Variants in VPS13D observed in about 807,000 individuals in gnomAD.
VPS13D encodes the protein intermembrane lipid transfer protein VPS13D.
Under a neutral mutation model 461.9 loss-of-function variants are expected in VPS13D, and 187 were observed. The ratio of observed to expected loss-of-function variants is 0.40; its 90% CI spans 0.36 to 0.46. VPS13D has a LOEUF of 0.46. Among genes scored for constraint, VPS13D ranks in the 20% least tolerant of loss-of-function variants. VPS13D has a pLI of 0.60. For synonymous variants in VPS13D, 1,951 were observed against 1,986.3 expected (o/e 0.98, Z 0.47); for missense variants, 4,711 against 5,364.9 (o/e 0.88, Z 3.81).
intron 65 of VPS13D, among the ~76,000 whole-genome samples, chr1:12,437,069 G>A (rs942369985): frequency 2.0e-5 from 3 of 152,122 alleles, no homozygotes; most frequent in Non-Finnish European, 2.9e-5. Flanking sequence ...TGTGTGTGGC[G>A]GCGGGAGGGG....
At chr1:12,451,604 G>A (rs1032532149) in intron 65 of VPS13D, among the ~76,000 whole-genome samples, 1 of 152,250 alleles carries the variant, frequency 6.6e-6, no homozygotes, top group Non-Finnish European at 1.5e-5. Context: ...TCCTTCTGGT[G>A]TTAAGGTATT....
chr1:12,260,596 C>T, intron 10 of VPS13D, 97 bp from the exon 11 acceptor site: 1 of 987,830 alleles, frequency 1.0e-6, no homozygotes, highest in African/African-American at 1.6e-5. Flanking sequence ...AGAGAGGTTT[C>T]TGTGCTTTAC....
chr1:12,332,078 T>C (rs2101556200), intron 37 of VPS13D, among the ~76,000 whole-genome samples: 1 of 152,364 alleles, frequency 6.6e-6, no homozygotes, highest in African/African-American at 2.4e-5. Flanking sequence ...TATTGGAACA[T>C]ATAAGCCATA....
chr1:12,345,279 A>G (rs560320637), intron 42 of VPS13D, 95 bp from the exon 43 acceptor site: 3 of 1,422,424 alleles, frequency 2.1e-6, no homozygotes, highest in African/African-American at 1.4e-5. Flanking sequence ...GGGTTTTTAC[A>G]TCATATGTAC....
At chr1:12,271,221 C>T in intron 17 of VPS13D, 97 bp downstream of exon 17, 1 of 1,453,734 alleles carries the variant, frequency 6.9e-7, no homozygotes, top group Non-Finnish European at 9.5e-7. Context: ...TTACTTATAT[C>T]AATTATGCTG....
Position 12,277,683 on chromosome 1 carries a change from A to G in VPS13D, c.4095A>G (p.Leu1365=), listed in dbSNP as rs1641656153. The G allele has an allele frequency of 1.9e-6, 3 of 1,614,112 alleles. No homozygotes were observed. Among genetic ancestry groups the G allele is most frequent in the African/African-American group, 2.7e-5 (2 of 74,944 alleles). ...AAAATGAAATATATGGGTTTGACCT[A>G]GCTTCGTCTCATTTGGACACTGTAA... The part of the protein sequence containing the change: ...LEENEIYGFD[L]ASSHLDTVKL... Residue 1365 remains leucine (L), a synonymous_variant, in exon 19 of 70, where the codon CTA becomes CTG. Transcript: ENST00000620676.
At chr1:12,323,379 C>T (rs964611441) in intron 34 of VPS13D, among the ~76,000 whole-genome samples, 1 of 152,022 alleles carries the variant, frequency 6.6e-6, no homozygotes, top group Non-Finnish European at 1.5e-5. Flanking sequence ...GTGCCCACCT[C>T]TAATTTTAAG....
intron 61 of VPS13D, 117 bp from the exon 62 acceptor site, chr1:12,401,491 T>C (rs1478287963): frequency 3.1e-6 from 2 of 649,922 alleles, no homozygotes; most frequent in African/African-American, 3.6e-5. Flanking sequence ...TTTGGCATTA[T>C]AGTTATAAAG....
At chr1:12,327,898 G>C in intron 36 of VPS13D, 44 bp downstream of exon 36, 1 of 1,570,904 alleles carries the variant, frequency 6.4e-7, no homozygotes, top group Non-Finnish European at 8.7e-7. Flanking sequence ...AATATTTCCA[G>C]TCATTGCTGA....
At chr1:12,256,653 G>A (rs1008619658) in intron 8 of VPS13D, 150 bp downstream of exon 8, 15 of 808,016 alleles carry the variant, frequency 1.9e-5, no homozygotes, top group South Asian at 6.3e-5. Flanking sequence ...AAAACTCACC[G>A]TCTGTTACAT....
At chr1:12,475,533 G>T (rs371559497) in intron 67 of VPS13D, among the ~76,000 whole-genome samples, 1 of 152,250 alleles carries the variant, frequency 6.6e-6, no homozygotes, top group East Asian at 1.9e-4. Context: ...TTAATCTGCA[G>T]CTGTAGTGTA....
chr1:12,391,144 T>C (rs969924972), intron 60 of VPS13D, among the ~76,000 whole-genome samples: 1 of 152,270 alleles, frequency 6.6e-6, no homozygotes. Flanking sequence ...ATCACACATC[T>C]GGCCATTTCT....
rs144041215 is a variant in VPS13D at position 12,247,811 on chromosome 1, C to T, written c.448-1412C>T. ...CTCCGCCTCCCGGATTCAAGCGATT[C>T]TCCTGGCTCAGCCTCACGAGTAGCT... On this transcript the variant is annotated intron_variant, in intron 5 of 69. Coordinates refer to ENST00000620676, the MANE Select transcript of VPS13D (RefSeq NM_015378.4). 7.7e-3 allele frequency among the ~76,000 whole-genome samples: 1,155 copies of T among 150,924 alleles called. 60 individuals carry two copies. The East Asian group carries it at 0.13, about 17-fold the overall frequency.
chr1:12,236,571 T>C (rs1437132136), intron 2 of VPS13D, among the ~76,000 whole-genome samples: 1 of 151,938 alleles, frequency 6.6e-6, no homozygotes, highest in African/African-American at 2.4e-5. Context: ...TTGGTAGAGA[T>C]GGGGTTTTGC....
At chr1:12,409,428 TGTCATTAAGTTGCACATG>T (rs1413404475) in intron 63 of VPS13D, among the ~76,000 whole-genome samples, 3 of 152,176 alleles carry the variant, frequency 2.0e-5, no homozygotes, top group Non-Finnish European at 4.4e-5. Context: ...AGAATAGAAA[TGTCATTAAGTTGCACATG>T]AAATTTTAAT....
chr1:12,391,949 C>T (rs533518800), intron 60 of VPS13D, among the ~76,000 whole-genome samples: 198 of 152,184 alleles, frequency 1.3e-3, no homozygotes, highest in African/African-American at 4.6e-3. Flanking sequence ...CAACCTCCTC[C>T]TCCTGGGCTC....
chr1:12,377,648 T>C (rs1477470509), intron 55 of VPS13D, among the ~76,000 whole-genome samples: 3 of 151,408 alleles, frequency 2.0e-5, no homozygotes, highest in Admixed American at 6.6e-5. Context: ...GGCGAAACCC[T>C]GTCTCTACTA....
At chr1:12,343,598 C>T (rs931556604) in intron 42 of VPS13D, among the ~76,000 whole-genome samples, 1 of 152,142 alleles carries the variant, frequency 6.6e-6, no homozygotes, top group Admixed American at 6.5e-5. Context: ...TGGTCTCAAA[C>T]TCCTGGGCTC....
intron 16 of VPS13D, among the ~76,000 whole-genome samples, chr1:12,269,455 A>G (rs907702205): frequency 1.1e-4 from 17 of 152,214 alleles, no homozygotes; most frequent in Non-Finnish European, 2.9e-5. Context: ...CTGAAAAGCA[A>G]TGATCTCCAT....
Sources: gnomAD v4.1 joint callset for allele counts (sites outside exome capture counted in the v4.1 genomes callset) on GRCh38, gnomAD v4.1.1 for gene constraint, MANE v1.5 for transcripts, NCBI Gene and HGNC (gene_info 2026-07-23, HGNC 2026-07-21) for gene names.